Variants in CDH8 observed in about 807,000 individuals in gnomAD.
CDH8 encodes the protein cadherin-8.
In CDH8, 17 loss-of-function variants were observed where a neutral mutation model predicts 68.1. The ratio of observed to expected loss-of-function variants is 0.25; its 90% CI spans 0.17 to 0.37. The LOEUF (loss-of-function observed/expected upper bound fraction) is 0.37. CDH8 is among the 10% of genes least tolerant of loss of function. CDH8 has a pLI of 1.00. For missense variants in CDH8, 763 were observed against 999.3 expected (o/e 0.76, Z 3.19); for synonymous variants, 372 against 365.1 (o/e 1.02, Z -0.21).
chr16:61,888,605 T>C, intron 3 of CDH8, among the ~76,000 whole-genome samples: 1 of 152,098 alleles, frequency 6.6e-6, no homozygotes, highest in East Asian at 1.9e-4. Flanking sequence ...ATAAGAATAA[T>C]AAAATTCACC....
chr16:61,769,377 G>A (rs1029596672), intron 8 of CDH8, among the ~76,000 whole-genome samples: 3 of 151,750 alleles, frequency 2.0e-5, no homozygotes, highest in East Asian at 1.9e-4. Flanking sequence ...ATTATTATCT[G>A]CACCTTAATG....
At chr16:61,993,343 G>A (rs984648867) in intron 2 of CDH8, among the ~76,000 whole-genome samples, 2 of 151,746 alleles carry the variant, frequency 1.3e-5, no homozygotes, top group South Asian at 2.1e-4. Flanking sequence ...TTTTTGAGAC[G>A]GAGTTTCACT....
intron 10 of CDH8, among the ~76,000 whole-genome samples, chr16:61,702,666 A>T (rs17822780): frequency 0.21 from 32,140 of 152,156 alleles, 3,762 homozygotes; most frequent in Middle Eastern, 0.29. Flanking sequence ...TGCTTAGCTG[A>T]TGGTTGCTGA....
chr16:61,922,331 T>G (rs371772074), intron 2 of CDH8, among the ~76,000 whole-genome samples: 1 of 152,160 alleles, frequency 6.6e-6, no homozygotes, highest in East Asian at 1.9e-4. Context: ...TCTAAAGATA[T>G]TTTTATTATA....
At chr16:61,740,206 A>G (rs1055606679) in intron 8 of CDH8, among the ~76,000 whole-genome samples, 2 of 151,784 alleles carry the variant, frequency 1.3e-5, no homozygotes, top group African/African-American at 4.8e-5. Context: ...CGCCCGGCCA[A>G]TATAGTATTT....
intron 2 of CDH8, among the ~76,000 whole-genome samples, chr16:62,001,733 C>T (rs1347838117): frequency 6.6e-6 from 1 of 151,994 alleles, no homozygotes; most frequent in Non-Finnish European, 1.5e-5. Context: ...AGGTTAGGTA[C>T]GTATGTATAC....
intron 2 of CDH8, among the ~76,000 whole-genome samples, chr16:61,950,628 A>G (rs1278083140): frequency 6.6e-6 from 1 of 152,054 alleles, no homozygotes; most frequent in East Asian, 1.9e-4. Context: ...TTCATTTCTT[A>G]TTTTCCCCCC....
chr16:62,023,391 A>G (rs1902120787), intron 1 of CDH8, among the ~76,000 whole-genome samples: 1 of 152,164 alleles, frequency 6.6e-6, no homozygotes, highest in Non-Finnish European at 1.5e-5. Flanking sequence ...GTAATGATGG[A>G]CAAGATAGTC....
At chr16:61,670,949 T>TA (rs1323210860) in intron 10 of CDH8, among the ~76,000 whole-genome samples, 3 of 152,062 alleles carry the variant, frequency 2.0e-5, no homozygotes, top group Non-Finnish European at 2.9e-5. Flanking sequence ...ATTTTCCACT[T>TA]AATATTATCA....
intron 2 of CDH8, among the ~76,000 whole-genome samples, chr16:61,924,679 G>GT (rs935452625): frequency 7.5e-4 from 109 of 145,210 alleles, no homozygotes; most frequent in South Asian, 2.6e-3. Flanking sequence ...ATTAGTTTCT[G>GT]TTTTTTTTTT....
chr16:61,900,027 C>T (rs886891150), intron 3 of CDH8, among the ~76,000 whole-genome samples: 1 of 152,184 alleles, frequency 6.6e-6, no homozygotes, highest in African/African-American at 2.4e-5. Context: ...ATTGAAGACA[C>T]TATATGTCTG....
intron 7 of CDH8, among the ~76,000 whole-genome samples, chr16:61,799,939 C>T (rs952892008): frequency 3.3e-5 from 5 of 152,090 alleles, no homozygotes; most frequent in Admixed American, 1.3e-4. Flanking sequence ...CACGAGGTCT[C>T]CCTCTGTCAC....
intron 10 of CDH8, chr16:61,692,482 C>CCAAAAG (rs1964245788): frequency 6.6e-6 from 1 of 151,756 alleles, no homozygotes; most frequent in Non-Finnish European, 1.5e-5. Flanking sequence ...CACATACACA[C>CCAAAAG]CAAAAGCATG....
intron 8 of CDH8, among the ~76,000 whole-genome samples, chr16:61,742,513 C>T (rs994721708): frequency 1.3e-5 from 2 of 151,852 alleles, no homozygotes; most frequent in African/African-American, 4.8e-5. Context: ...AAATTAAGTC[C>T]CCTTCTATTT....
chr16:62,006,549 G>A (rs977112375), intron 2 of CDH8, among the ~76,000 whole-genome samples: 5 of 152,192 alleles, frequency 3.3e-5, no homozygotes, highest in East Asian at 3.9e-4. Flanking sequence ...ATCCTGGAAG[G>A]TACTAGGTAG....
intron 4 of CDH8, 59 bp from the exon 5 acceptor site, chr16:61,825,238 G>C (rs1433334419): frequency 7.2e-7 from 1 of 1,389,752 alleles, no homozygotes; most frequent in Non-Finnish European, 1.0e-6. Flanking sequence ...AAATGAAAGT[G>C]TTAATCTCAC....
At chr16:61,737,956 T>G (rs1049997653) in intron 8 of CDH8, among the ~76,000 whole-genome samples, 4 of 152,158 alleles carry the variant, frequency 2.6e-5, no homozygotes, top group Non-Finnish European at 5.9e-5. Context: ...TCACTTTATT[T>G]CACTCCTTGA....
chr16:61,718,099 G>T (rs144017040), intron 9 of CDH8, among the ~76,000 whole-genome samples: 1 of 151,260 alleles, frequency 6.6e-6, no homozygotes, highest in Non-Finnish European at 1.5e-5. Flanking sequence ...CAATATGCCA[G>T]GCGTCCTCAA....
chr16:61,833,408 T>A (rs1475933205), intron 4 of CDH8, among the ~76,000 whole-genome samples: 8 of 151,800 alleles, frequency 5.3e-5, no homozygotes, highest in Non-Finnish European at 1.0e-4. Context: ...CACACATACA[T>A]ATATACACAT....
Sources: gnomAD v4.1 joint callset for allele counts (sites outside exome capture counted in the v4.1 genomes callset) on GRCh38, gnomAD v4.1.1 for gene constraint, MANE v1.5 for transcripts, NCBI Gene and HGNC (gene_info 2026-07-23, HGNC 2026-07-21) for gene names.